Variants in PHRF1 observed in about 807,000 individuals in gnomAD.
PHRF1 encodes PHD and RING finger domain-containing protein 1.
A neutral mutation model predicts 128.9 loss-of-function variants in PHRF1; 53 were observed. The observed-to-expected ratio is 0.41, with a 90% CI of 0.33 to 0.52. The LOEUF is 0.52. Ranked by LOEUF, PHRF1 falls within the 20% of genes least tolerant of loss-of-function variation. The pLI is 0.21. For missense variants in PHRF1, 2,503 were observed against 2,284.5 expected, an observed-to-expected ratio of 1.10 and a Z score of -1.95; for synonymous variants, 1,178 against 980.6, an observed-to-expected ratio of 1.20 and a Z score of -3.76.
At chr11:587,501 G>C in intron 4 of PHRF1, 37 bp downstream of exon 4, 1 of 1,602,686 alleles carries the variant, frequency 6.2e-7, no homozygotes, top group Non-Finnish European at 8.5e-7. Context: ...CCTCCCTTCA[G>C]GATGGCCTCC....
At chr11:594,704 C>G (rs549081027) in intron 6 of PHRF1, among the ~76,000 whole-genome samples, 1 of 152,182 alleles carries the variant, frequency 6.6e-6, no homozygotes, top group Non-Finnish European at 1.5e-5. Context: ...TCAATTGATC[C>G]GCCCACCTCG....
chr11:585,260 T>G (rs1854468215), intron 3 of PHRF1, among the ~76,000 whole-genome samples: 1 of 148,938 alleles, frequency 6.7e-6, no homozygotes, highest in East Asian at 2.0e-4. Flanking sequence ...TAGTAGCCCT[T>G]TCCAGCTTGA....
At chr11:593,639 AG>A (rs1353316643) in intron 6 of PHRF1, among the ~76,000 whole-genome samples, 1 of 152,202 alleles carries the variant, frequency 6.6e-6, no homozygotes, top group Non-Finnish European at 1.5e-5. Context: ...CAGACACTGC[AG>A]GGGCCTCCTT....
Position 609,495 on chromosome 11 carries a change from C to T in PHRF1, c.4039C>T (p.Leu1347Phe), listed in dbSNP as rs990637045. The change falls in exon 14 of 18, where the codon CTC becomes TTC. Residue 1347 changes from leucine (L) to phenylalanine (F), a missense_variant. Leu to Phe is a conservative substitution (Grantham distance 22, BLOSUM62 0). Coordinates refer to ENST00000264555, the MANE Select transcript of PHRF1 (RefSeq NM_001286581.2). ...AGAGGGCACCCAGGAGCCACATTTG[C>T]TCAGGCCGGACGCGGCTGAGAAGGC... Reference protein sequence around the residue: ...LPEGTQEPHLLRPDAAEKAEA... With the variant: ...LPEGTQEPHLFRPDAAEKAEA... 21 of 1,604,454 alleles carry T rather than the reference C, an allele frequency of 1.3e-5. No homozygotes were observed. The highest frequency in any genetic ancestry group is 1.8e-5 in the Non-Finnish European group (21 of 1,178,944).
chr11:597,642 TGGGA>T lies in PHRF1; in HGVS notation c.894+76_894+79del. 2 of 1,434,156 alleles carry T rather than the reference TGGGA, an allele frequency of 1.4e-6. No homozygotes were observed. Among genetic ancestry groups the T allele is most frequent in the Non-Finnish European group, 1.9e-6 (2 of 1,062,888 alleles). The allele number at this position is 1,434,156 out of a possible 1,614,324, so 88.8% of individuals were successfully genotyped here. A position where few individuals can be genotyped will look rare whatever the true frequency, so the allele number is the denominator to read the frequency against. ...GAGTGATCTCGGCAGTCTGGGTGGG[TGGGA>T]GGGGCGTCGTCGGCACTGTGGGGTC... On this transcript the variant is annotated intron_variant, in intron 8 of 17. Coordinates refer to ENST00000264555, the MANE Select transcript of PHRF1 (RefSeq NM_001286581.2). The surrounding 1 kb of genome is among the most constrained non-coding windows in gnomAD (Gnocchi z 6.5).
intron 4 of PHRF1, among the ~76,000 whole-genome samples, chr11:588,741 G>C (rs1387705499): frequency 1.3e-5 from 2 of 151,824 alleles, no homozygotes; most frequent in Non-Finnish European, 2.9e-5. Flanking sequence ...CATTTAAATT[G>C]AGGAACAAGA....
At position 608,323 on chromosome 11, in the gene PHRF1, A is replaced by C; in HGVS notation, c.2867A>C (p.Glu956Ala). ...GASCSTFFGS[E>A]ERTVTCVTVV... ...TCTTGCAGCACCTTCTTTGGCTCTG[A>C]GGAGCGGACGGTGACCTGTGTGACT... Residue 956 changes from glutamate to alanine, a missense_variant, in exon 14 of 18, where the codon GAG becomes GCG. Glu to Ala is a moderately radical substitution (Grantham distance 107). Transcript: ENST00000264555. The C allele has an allele frequency of 6.2e-7, 1 of 1,609,800 alleles. No individual in the cohort carries two copies. The highest frequency in any genetic ancestry group is 8.5e-7 in the Non-Finnish European group (1 of 1,178,972).
At chr11:595,086 G>C (rs1043547046) in intron 6 of PHRF1, among the ~76,000 whole-genome samples, 1 of 152,152 alleles carries the variant, frequency 6.6e-6, no homozygotes, top group Non-Finnish European at 1.5e-5. Context: ...ATCACAGTAG[G>C]CCGAGGCGGG....
chr11:612,123 G>T lies in PHRF1; in HGVS notation c.*346G>T. The T allele has an allele frequency of 2.8e-6, 1 of 356,810 alleles. No individual in the cohort carries two copies. Among genetic ancestry groups the T allele is most frequent in the Non-Finnish European group, 5.1e-6 (1 of 195,700 alleles). The allele number at this position is 356,810 out of a possible 1,614,324, so 22.1% of individuals were successfully genotyped here. A position where few individuals can be genotyped will look rare whatever the true frequency, so the allele number is the denominator to read the frequency against. On this transcript the variant is annotated 3_prime_UTR_variant, in exon 18 of 18. Transcript: ENST00000264555. ...TGGTGATCAAGAGGGGCTCCTGGTG[G>T]GGTGGCGCGTCCTTGATAAATCTCT... is the stretch of plus-strand genomic sequence containing the variant.
Position 608,995 on chromosome 11 carries a change from C to A in PHRF1, c.3539C>A (p.Ser1180Tyr). The A allele has an allele frequency of 6.2e-7, 1 of 1,603,938 alleles. No individual in the cohort carries two copies. Residue 1180 changes from serine to tyrosine, a missense_variant, in exon 14 of 18, where the codon TCC (serine) becomes TAC (tyrosine). Coordinates refer to ENST00000264555, the MANE Select transcript of PHRF1 (RefSeq NM_001286581.2). ...GCACGGGAGCACAGGCGGCCTCGGT[C>A]CCGTGAGAAGTGGCCGCAGACCCGG... Reference protein sequence around the residue: ...HRAREHRRPRSREKWPQTRSH... With the variant: ...HRAREHRRPRYREKWPQTRSH...
chr11:593,165 G>A (rs1395797780), intron 6 of PHRF1, among the ~76,000 whole-genome samples: 2 of 152,242 alleles, frequency 1.3e-5, no homozygotes, highest in Non-Finnish European at 1.5e-5. Context: ...CTTCCCGGGA[G>A]CCTGTGACAC....
Position 597,296 on chromosome 11 carries a change from G to C in PHRF1, c.719-99G>C. On this transcript the variant is annotated intron_variant, in intron 7 of 17. Coordinates refer to ENST00000264555, the MANE Select transcript of PHRF1 (RefSeq NM_001286581.2). This position sits in a 1 kb window ranked among gnomAD's most constrained non-coding sequence, Gnocchi z 6.5. ...CTGGGTCCTGTGCACAGGTCAGCCC[G>C]AGCCAGGGCTGCTACTTGGCCGGCA... 6.9e-7 allele frequency: 1 copy of C among 1,452,390 alleles called. No individual in the cohort carries two copies. Among genetic ancestry groups the C allele is most frequent in the South Asian group, 1.3e-5 (1 of 74,282 alleles). 90.0% of individuals were successfully genotyped at this position (1,452,390 alleles called of 1,614,324 possible).
intron 4 of PHRF1, among the ~76,000 whole-genome samples, chr11:590,726 G>A (rs1200075840): frequency 6.6e-6 from 1 of 151,950 alleles, no homozygotes; most frequent in Non-Finnish European, 1.5e-5. Context: ...TTTTTGAGAT[G>A]GAGTTTGGCT....
intron 6 of PHRF1, among the ~76,000 whole-genome samples, 153 bp from the exon 7 acceptor site, chr11:596,770 T>C (rs1855304202): frequency 6.6e-6 from 1 of 152,078 alleles, no homozygotes; most frequent in African/African-American, 2.4e-5. Context: ...TTAGGGCTTC[T>C]TATGAATTTT....
At chr11:596,735 T>C (rs1855302227) in intron 6 of PHRF1, among the ~76,000 whole-genome samples, 188 bp from the exon 7 acceptor site, 1 of 152,194 alleles carries the variant, frequency 6.6e-6, no homozygotes, top group African/African-American at 2.4e-5. Flanking sequence ...AAAGGTTCCA[T>C]GTCTATCTGC....
At chr11:578,952 CAA>C (rs1386771818) in intron 1 of PHRF1, among the ~76,000 whole-genome samples, 1 of 152,042 alleles carries the variant, frequency 6.6e-6, no homozygotes, top group East Asian at 1.9e-4. Context: ...CAGGTTCAAG[CAA>C]TTCTCCTCCG....
chr11:608,266 C>T lies in PHRF1; in HGVS notation c.2810C>T (p.Pro937Leu). ...GCTGCCCGGCTGCGGAGGCCATCCC[C>T]CCCAGAGCCCTGGGATGAGGAGGAT... ...GLAARLRRPS[P>L]PEPWDEEDGA... The change falls in exon 14 of 18, where the codon CCC becomes CTC. Residue 937 changes from proline to leucine, a missense_variant. Physicochemically the swap from Pro to Leu is moderately conservative, Grantham distance 98. Coordinates refer to ENST00000264555, the MANE Select transcript of PHRF1 (RefSeq NM_001286581.2). The T allele has an allele frequency of 6.2e-7, 1 of 1,610,040 alleles. No homozygotes were observed. The highest frequency in any genetic ancestry group is 8.5e-7 in the Non-Finnish European group (1 of 1,179,524).
In PHRF1 at chr11:611,951, C is replaced by T; in HGVS notation, c.*174C>T. ...TGCCGTCGGGTTCCTGCGCTGACAC[C>T]TGGTCTGTGCACCTGTGTTGCTCAC... On this transcript the variant is annotated 3_prime_UTR_variant, in exon 18 of 18. Coordinates refer to ENST00000264555, the MANE Select transcript of PHRF1 (RefSeq NM_001286581.2). The T allele has an allele frequency of 1.0e-6, 1 of 989,634 alleles. No homozygotes were observed. Among genetic ancestry groups the T allele is most frequent in the Non-Finnish European group, 1.5e-6 (1 of 688,738 alleles). The allele number at this position is 989,634 out of a possible 1,614,324, so 61.3% of individuals were successfully genotyped here. A position where few individuals can be genotyped will look rare whatever the true frequency, so the allele number is the denominator to read the frequency against.
At position 612,168 on chromosome 11, in the gene PHRF1, G is replaced by T; in HGVS notation, c.*391G>T. On this transcript the variant is annotated 3_prime_UTR_variant, in exon 18 of 18. Coordinates refer to ENST00000264555, the MANE Select transcript of PHRF1 (RefSeq NM_001286581.2). ...ATCTCTAGGTGGCCTCCCGCCAACA[G>T]CTGCTGTGTACCTTTGGCTCTGAAT... 3.1e-6 allele frequency: 1 copy of T among 317,568 alleles called. No individual in the cohort carries two copies. The highest frequency in any genetic ancestry group is 5.9e-6 in the Non-Finnish European group (1 of 170,886). 19.7% of individuals were successfully genotyped at this position (317,568 alleles called of 1,614,324 possible).
Sources: allele counts gnomAD v4.1 joint callset (sites outside exome capture counted in the v4.1 genomes callset), GRCh38; gene constraint gnomAD v4.1.1; non-coding constraint Gnocchi (gnomAD v3.1); transcripts MANE v1.5; gene names NCBI Gene and HGNC (gene_info 2026-07-23, HGNC 2026-07-21).